Variants in CALN1 observed in about 807,000 individuals in gnomAD.
CALN1 encodes calcium-binding protein 8.
In CALN1, 17 loss-of-function variants were observed where a neutral mutation model predicts 30.6. The ratio of observed to expected loss-of-function variants is 0.56; its 90% CI spans 0.38 to 0.83. The LOEUF (loss-of-function observed/expected upper bound fraction) is 0.83, where lower values mean the gene tolerates loss of function less well. CALN1 is among the 40% of genes least tolerant of loss of function. The probability of loss-of-function intolerance (pLI) is 0.00; values close to 1 mark genes in which losing one functional copy is unlikely to be tolerated. For missense variants in CALN1, 291 were observed against 354.9 expected, an observed-to-expected ratio of 0.82 and a Z score of 1.45; for synonymous variants, 156 against 131.4, an observed-to-expected ratio of 1.19 and a Z score of -1.28.
At chr7:72,168,418 T>C (rs1285501731) in intron 3 of CALN1, among the ~76,000 whole-genome samples, 10 of 152,200 alleles carry the variant, frequency 6.6e-5, no homozygotes, top group African/African-American at 1.9e-4. Flanking sequence ...CGTATTTATG[T>C]TTGGCATCAG....
intron 5 of CALN1, among the ~76,000 whole-genome samples, chr7:71,880,217 A>G (rs1792486243): frequency 6.6e-6 from 1 of 152,216 alleles, no homozygotes; most frequent in African/African-American, 2.4e-5. Flanking sequence ...TGATCCTTCA[A>G]TTGAGCTCAT....
At chr7:72,201,376 G>A (rs931116028) in intron 3 of CALN1, among the ~76,000 whole-genome samples, 5 of 152,048 alleles carry the variant, frequency 3.3e-5, no homozygotes, top group East Asian at 1.9e-4. Context: ...ATCACTTGAG[G>A]TCAGACATTC....
At chr7:72,357,113 T>C (rs1339619937) in intron 2 of CALN1, among the ~76,000 whole-genome samples, 1 of 151,942 alleles carries the variant, frequency 6.6e-6, no homozygotes, top group African/African-American at 2.4e-5. Context: ...AAACTGAAAC[T>C]TAGAGACAGC....
At chr7:71,960,567 C>T (rs939106411) in intron 5 of CALN1, among the ~76,000 whole-genome samples, 2 of 152,176 alleles carry the variant, frequency 1.3e-5, no homozygotes, top group Admixed American at 1.3e-4. Flanking sequence ...TTTCTTTATC[C>T]ATTCCTCCAC....
At chr7:72,445,829 C>T (rs879952) in intron 1 of CALN1, among the ~76,000 whole-genome samples, 5,124 of 152,236 alleles carry the variant, frequency 0.034, 139 homozygotes, top group Non-Finnish European at 0.045. Flanking sequence ...CGGTAACTAC[C>T]GTTCATGGAA....
chr7:72,147,481 G>GATGTGGAGAAAGAGGAAC (rs775589538), intron 3 of CALN1, among the ~76,000 whole-genome samples: 2 of 100,834 alleles, frequency 2.0e-5, no homozygotes, highest in African/African-American at 3.8e-5. Context: ...TGTTGGAGAG[G>GATGTGGAGAAAGAGGAAC]ACTGTTACAC....
At chr7:72,278,309 T>C (rs1408722220) in intron 3 of CALN1, among the ~76,000 whole-genome samples, 1 of 152,174 alleles carries the variant, frequency 6.6e-6, no homozygotes, top group Admixed American at 6.5e-5. Context: ...CCCCTGCAGA[T>C]GGACTCCATT....
Position 72,052,477 on chromosome 7 carries a change from TCAC to T in CALN1, c.389-28711_389-28709del, listed in dbSNP as rs1226480945. On this transcript the variant is annotated intron_variant, in intron 4 of 6. Transcript: ENST00000395275. ...AGGCTTGGGGGTGATGGTCTTGACC[TCAC>T]TGACTACTGACCACCCGAAGAAAAT... Among the ~76,000 whole-genome samples the T allele has an allele frequency of 1.1e-4, 6 of 54,736 alleles. No individual in the cohort carries two copies. The East Asian group carries it at 0.21, about 1,955-fold the overall frequency. The allele number at this position is 54,736 out of a possible 152,430, so 35.9% of individuals were successfully genotyped here. A position where few individuals can be genotyped will look rare whatever the true frequency, so the allele number is the denominator to read the frequency against.
chr7:72,077,564 G>C (rs188667124), intron 4 of CALN1, among the ~76,000 whole-genome samples: 92 of 152,316 alleles, frequency 6.0e-4, no homozygotes, highest in Non-Finnish European at 1.2e-3. Context: ...ATGAGCCACT[G>C]TGCCCAGCTC....
chr7:71,882,814 G>T (rs1313588488), intron 5 of CALN1, among the ~76,000 whole-genome samples: 1 of 151,012 alleles, frequency 6.6e-6, no homozygotes, highest in African/African-American at 2.4e-5. Flanking sequence ...CTCTGGAGTA[G>T]CTGGGACTAT....
At chr7:72,492,575 G>A in the CALN1 span, among the ~76,000 whole-genome samples, 12 of 152,244 alleles carry the variant, frequency 7.9e-5, no homozygotes, top group African/African-American at 2.7e-4. Context: ...GTTTCTCACA[G>A]TCACAAGCTG....
chr7:72,058,310 C>CTTTTTTTTTTT lies in CALN1; in HGVS notation c.389-34552_389-34542dup, dbSNP rs3065011. 1.2e-3 allele frequency among the ~76,000 whole-genome samples: 84 copies of CTTTTTTTTTTT among 70,774 alleles called. 7 individuals carry two copies. The highest frequency in any genetic ancestry group is 1.6e-3 in the Non-Finnish European group (63 of 40,120). 46.4% of individuals were successfully genotyped at this position (70,774 alleles called of 152,430 possible). On this transcript the variant is annotated intron_variant, in intron 4 of 6. Coordinates refer to ENST00000395275, the MANE Select transcript of CALN1 (RefSeq NM_031468.4). ...GCTACAAGCTGCAACAAGCTGGAAT[C>CTTTTTTTTTTT]TTTTTTTTTTTTTTTTTTTTTTTTT...
chr7:71,988,778 A>T (rs1267301509), intron 5 of CALN1, among the ~76,000 whole-genome samples: 1 of 152,088 alleles, frequency 6.6e-6, no homozygotes, highest in Non-Finnish European at 1.5e-5. Flanking sequence ...CATGTAGAGC[A>T]CTACATGGGA....
At chr7:72,420,047 C>T (rs1419506517) in intron 1 of CALN1, among the ~76,000 whole-genome samples, 1 of 152,190 alleles carries the variant, frequency 6.6e-6, no homozygotes, top group African/African-American at 2.4e-5. Context: ...AGAAGACTGT[C>T]ACCCTGACCC....
the CALN1 span, among the ~76,000 whole-genome samples, chr7:72,483,267 C>T: frequency 0.12 from 17,093 of 139,498 alleles, 2,163 homozygotes; most frequent in African/African-American, 0.32. Flanking sequence ...TGGTTTTTTT[C>T]CTTTTTCTTT....
intron 5 of CALN1, among the ~76,000 whole-genome samples, chr7:71,851,571 C>G (rs898606275): frequency 2.0e-5 from 3 of 151,534 alleles, no homozygotes; most frequent in African/African-American, 7.3e-5. Context: ...TATACACACA[C>G]ATATATATAT....
chr7:72,341,537 C>A (rs1802385345), intron 2 of CALN1, among the ~76,000 whole-genome samples: 1 of 128,374 alleles, frequency 7.8e-6, no homozygotes. Flanking sequence ...AACAAAAAAA[C>A]AGACAAACAA....
intron 5 of CALN1, among the ~76,000 whole-genome samples, chr7:71,989,440 TAAAAA>T (rs5884868): frequency 7.4e-6 from 1 of 134,990 alleles, no homozygotes; most frequent in Non-Finnish European, 1.6e-5. Context: ...TTCCATCTAT[TAAAAA>T]AAAAAAAAAA....
At chr7:72,486,934 C>T in the CALN1 span, among the ~76,000 whole-genome samples, 5 of 152,148 alleles carry the variant, frequency 3.3e-5, no homozygotes, top group African/African-American at 1.2e-4. Context: ...ATTTATTTTG[C>T]TTCCATACAA....
Sources: allele counts gnomAD v4.1 joint callset (sites outside exome capture counted in the v4.1 genomes callset), GRCh38; gene constraint gnomAD v4.1.1; transcripts MANE v1.5; gene names NCBI Gene and HGNC (gene_info 2026-07-23, HGNC 2026-07-21).